The following ATXN8OS variants were observed in gnomAD, a reference collection of about 807,000 sequenced individuals.
The protein encoded by ATXN8OS is ATXN8 opposite strand (non-protein coding).
At chr13:70,121,954 A>T (rs915029202) in intron 2 of ATXN8OS, among the ~76,000 whole-genome samples, 1 of 152,040 alleles carries the variant, frequency 6.6e-6, no homozygotes, top group African/African-American at 2.4e-5. Flanking sequence ...CAGCAGTGGC[A>T]GTTATTAATA....
At chr13:70,143,333 T>C (rs534143030) in intron 3 of ATXN8OS, among the ~76,000 whole-genome samples, 1 of 152,206 alleles carries the variant, frequency 6.6e-6, no homozygotes, top group South Asian at 2.1e-4. Context: ...CCCAGAGGAA[T>C]TTACCTATTG....
At chr13:70,119,358 T>A (rs1003906550) in intron 2 of ATXN8OS, among the ~76,000 whole-genome samples, 1 of 152,100 alleles carries the variant, frequency 6.6e-6, no homozygotes, top group Non-Finnish European at 1.5e-5. Flanking sequence ...TTATAAAATT[T>A]TAATTTTCAT....
intron 2 of ATXN8OS, among the ~76,000 whole-genome samples, chr13:70,127,223 A>T (rs1888452125): frequency 6.6e-6 from 1 of 152,028 alleles, no homozygotes; most frequent in African/African-American, 2.4e-5. Context: ...AATCCTTAAA[A>T]TAGCTATGAC....
upstream of ATXN8OS, chr13:70,107,699 T>C (rs1744998847): frequency 6.6e-7 from 1 of 1,519,856 alleles, no homozygotes. Context: ...GAGCCTGACA[T>C]GCTTTACGCA....
rs369325690 is a variant in ATXN8OS, at chr13:70,110,741, T to C, written n.240+2722T>C. ...TCTATTATTCAAAAATAAAAAACTT[T>C]GATTGATCACTTAGGTCCAATGTAA... is the stretch of plus-strand genomic sequence containing the variant. On this transcript the variant is annotated intron_variant and non_coding_transcript_variant, in intron 1 of 4. Coordinates refer to ENST00000678624, the Ensembl canonical transcript of ATXN8OS. Among the ~76,000 whole-genome samples, 20 of 152,172 alleles carry C rather than the reference T, an allele frequency of 1.3e-4. No individual in the cohort carries two copies. In the East Asian group the frequency reaches 3.9e-3, roughly 29 times the overall value.
intron 3 of ATXN8OS, among the ~76,000 whole-genome samples, chr13:70,146,192 T>A (rs1161044409): frequency 6.7e-4 from 98 of 146,064 alleles, no homozygotes; most frequent in South Asian, 1.6e-3. Context: ...ATCAGAGAAA[T>A]GCAAATCAAA....
At chr13:70,171,478 A>G (rs2087342158) in exon 5 of ATXN8OS, among the ~76,000 whole-genome samples, 1 of 152,108 alleles carries the variant, frequency 6.6e-6, no homozygotes, top group African/African-American at 2.4e-5. Context: ...GTACATTTTA[A>G]TAAGACTCGT....
intron 3 of ATXN8OS, among the ~76,000 whole-genome samples, chr13:70,138,743 ATACAC>A (rs1888654148): frequency 6.6e-6 from 1 of 152,172 alleles, no homozygotes; most frequent in Non-Finnish European, 1.5e-5. Flanking sequence ...TACAAATTCC[ATACAC>A]TAAACAATTA....
chr13:70,144,358 T>C (rs1359259068), intron 3 of ATXN8OS, among the ~76,000 whole-genome samples: 5 of 152,174 alleles, frequency 3.3e-5, no homozygotes, highest in Non-Finnish European at 7.4e-5. Flanking sequence ...TTTGAACTTC[T>C]CTAATTTTAC....
chr13:70,131,305 C>G, intron 3 of ATXN8OS: 1 of 398,460 alleles, frequency 2.5e-6, no homozygotes, highest in Admixed American at 4.4e-5. Context: ...ACCTAAAATG[C>G]TACAGATGTC....
intron 2 of ATXN8OS, among the ~76,000 whole-genome samples, chr13:70,122,385 T>A (rs10507779): frequency 0.073 from 11,026 of 152,052 alleles, 636 homozygotes; most frequent in East Asian, 0.32. Flanking sequence ...TGTCTTACGA[T>A]TTAACTTGAG....
chr13:70,139,555 A>G (rs1901130478), intron 3 of ATXN8OS: 1 of 484,426 alleles, frequency 2.1e-6, no homozygotes, highest in Non-Finnish European at 3.7e-6. Context: ...ATTTTTCAAT[A>G]CATCCTTCCA....
chr13:70,139,351 T>TTACTACTAC (rs375568204), intron 3 of ATXN8OS: 12,273 of 547,354 alleles, frequency 0.022, 166 homozygotes, highest in Non-Finnish European at 0.03. Flanking sequence ...AAACCTGGCT[T>TTACTACTAC]TACTACTACT....
At chr13:70,141,495 T>C (rs944515835) in intron 3 of ATXN8OS, among the ~76,000 whole-genome samples, 3 of 152,136 alleles carry the variant, frequency 2.0e-5, no homozygotes, top group Non-Finnish European at 2.9e-5. Context: ...TGGAACTTAT[T>C]ATTTGCAGAA....
rs368049320 is a variant in ATXN8OS, at chr13:70,123,141, G to A, written n.399-6643G>A. Among the ~76,000 whole-genome samples the A allele has an allele frequency of 2.6e-5, 4 of 152,058 alleles. No individual in the cohort carries two copies. In the South Asian group the frequency reaches 8.3e-4, roughly 32 times the overall value. On this transcript the variant is annotated intron_variant and non_coding_transcript_variant, in intron 2 of 4. Transcript: ENST00000678624. The stretch of plus-strand genomic sequence containing the variant: ...TGATAAATACATTATTAAGTAATAA[G>A]TAAATTGCAAAACTCTTAGATTTTG...
At chr13:70,112,662 A>G (rs1888213115) in intron 1 of ATXN8OS, among the ~76,000 whole-genome samples, 2 of 152,058 alleles carry the variant, frequency 1.3e-5, no homozygotes, top group South Asian at 4.1e-4. Flanking sequence ...TGACCTTTTG[A>G]TTTAGATCTG....
chr13:70,166,235 A>T (rs1330988071), intron 4 of ATXN8OS, among the ~76,000 whole-genome samples: 1 of 152,136 alleles, frequency 6.6e-6, no homozygotes, highest in African/African-American at 2.4e-5. Context: ...AGAACAAACC[A>T]GGAGGCATCA....
intron 3 of ATXN8OS, chr13:70,131,643 TC>T (rs1450409924): frequency 1.5e-5 from 6 of 396,500 alleles, no homozygotes; most frequent in Admixed American, 4.4e-5. Context: ...AGCTCAGATA[TC>T]CTTTTCTCAT....
intron 3 of ATXN8OS, among the ~76,000 whole-genome samples, chr13:70,134,870 TG>T (rs1888588211): frequency 6.6e-6 from 1 of 152,108 alleles, no homozygotes; most frequent in Non-Finnish European, 1.5e-5. Flanking sequence ...CACACATGCT[TG>T]GCCTGGATAA....
Sources: allele counts gnomAD v4.1 joint callset (sites outside exome capture counted in the v4.1 genomes callset), GRCh38; gene constraint gnomAD v4.1.1; transcripts MANE v1.5; gene names NCBI Gene and HGNC (gene_info 2026-07-23, HGNC 2026-07-21).